The following TNS3 variants were observed in gnomAD, a reference collection of about 807,000 sequenced individuals.
The protein encoded by TNS3 is tensin 3.
In TNS3, 45 loss-of-function variants were observed where a neutral mutation model predicts 140.9. The ratio of observed to expected loss-of-function variants is 0.32; its 90% CI spans 0.25 to 0.41. The LOEUF (loss-of-function observed/expected upper bound fraction) is 0.41, where lower values mean the gene tolerates loss of function less well. Among genes scored for constraint, TNS3 ranks in the 10% least tolerant of loss-of-function variants. The pLI is 1.00. For synonymous variants in TNS3, 815 were observed against 788.4 expected (o/e 1.03, Z -0.56); for missense variants, 1,716 against 1,906.7 (o/e 0.90, Z 1.86).
chr7:47,392,332 G>A (rs1461793407), intron 16 of TNS3, among the ~76,000 whole-genome samples: 1 of 152,188 alleles, frequency 6.6e-6, no homozygotes, highest in Non-Finnish European at 1.5e-5. Context: ...TATAGAAGCA[G>A]AATGTTGCGC....
chr7:47,422,776 T>A (rs1794443825), intron 10 of TNS3, among the ~76,000 whole-genome samples: 1 of 152,132 alleles, frequency 6.6e-6, no homozygotes, highest in Non-Finnish European at 1.5e-5. Context: ...CTGCATGGGT[T>A]ACTCCCTATT....
intron 7 of TNS3, among the ~76,000 whole-genome samples, chr7:47,435,839 A>G (rs1795152933): frequency 6.6e-6 from 1 of 152,204 alleles, no homozygotes; most frequent in Admixed American, 6.5e-5. Flanking sequence ...CTCAGAGACA[A>G]TCTCCTGGAA....
intron 1 of TNS3, among the ~76,000 whole-genome samples, chr7:47,565,592 C>T (rs988908793): frequency 2.6e-5 from 4 of 152,134 alleles, no homozygotes; most frequent in African/African-American, 9.7e-5. Context: ...GTCTCGAACT[C>T]CTGACCTCGG....
chr7:47,275,790 C>T lies in TNS3; in HGVS notation c.*2286G>A. On this transcript the variant is annotated 3_prime_UTR_variant, in exon 31 of 31. Coordinates refer to ENST00000311160, the MANE Select transcript of TNS3 (RefSeq NM_022748.12). ...ACGTTTACCTTGTGTAAAAATCACA[C>T]CTGGCCAATGAGTTCAAAAAGCACG... 1 of 455,668 alleles carries T rather than the reference C, an allele frequency of 2.2e-6. No homozygotes were observed. Among genetic ancestry groups the T allele is most frequent in the Middle Eastern group, 3.6e-4 (1 of 2,740 alleles). 28.2% of individuals were successfully genotyped at this position (455,668 alleles called of 1,614,324 possible). A position where few individuals can be genotyped will look rare whatever the true frequency, so the allele number is the denominator to read the frequency against.
chr7:47,284,885 C>T (rs1252491694), intron 27 of TNS3, among the ~76,000 whole-genome samples: 3 of 152,258 alleles, frequency 2.0e-5, no homozygotes, highest in Non-Finnish European at 4.4e-5. Context: ...CTCCCTCGGC[C>T]GTGTCCTCCT....
chr7:47,468,008 CCTT>C (rs1456645663), intron 4 of TNS3, among the ~76,000 whole-genome samples: 2 of 152,138 alleles, frequency 1.3e-5, no homozygotes, highest in Non-Finnish European at 2.9e-5. Flanking sequence ...TGTAACGTCT[CCTT>C]GTCACATGCC....
At chr7:47,385,358 G>A (rs893275709) in intron 16 of TNS3, among the ~76,000 whole-genome samples, 7 of 152,210 alleles carry the variant, frequency 4.6e-5, no homozygotes, top group Non-Finnish European at 4.4e-5. Flanking sequence ...TGTGCAGCTC[G>A]TGAGCAGCAC....
At chr7:47,321,599 G>C (rs1436856712) in intron 20 of TNS3, among the ~76,000 whole-genome samples, 1 of 152,152 alleles carries the variant, frequency 6.6e-6, no homozygotes, top group Non-Finnish European at 1.5e-5. Context: ...TGCCACAGGT[G>C]GTTCTCTCTC....
chr7:47,509,969 C>T (rs1798550233), intron 2 of TNS3, among the ~76,000 whole-genome samples: 1 of 152,240 alleles, frequency 6.6e-6, no homozygotes. Context: ...GCAGCACTAA[C>T]ACGAGTAACA....
chr7:47,490,531 C>A (rs56101906), intron 3 of TNS3, among the ~76,000 whole-genome samples: 10,580 of 152,288 alleles, frequency 0.069, 1,159 homozygotes, highest in African/African-American at 0.23. Context: ...CTGTGGCCTG[C>A]TGTGAGTGGT....
At chr7:47,311,769 A>G (rs1584374972) in intron 20 of TNS3, among the ~76,000 whole-genome samples, 1 of 152,352 alleles carries the variant, frequency 6.6e-6, no homozygotes, top group East Asian at 1.9e-4. Context: ...ATACATACTG[A>G]GAATTTCCTA....
chr7:47,369,785 T>C (rs1790947370), intron 16 of TNS3, among the ~76,000 whole-genome samples, 164 bp from the exon 17 acceptor site: 1 of 152,250 alleles, frequency 6.6e-6, no homozygotes, highest in Non-Finnish European at 1.5e-5. Context: ...GTTCTATATA[T>C]ACTCTGGAGG....
At chr7:47,364,315 G>T (rs1326323387) in intron 17 of TNS3, among the ~76,000 whole-genome samples, 9 of 132,368 alleles carry the variant, frequency 6.8e-5, no homozygotes, top group African/African-American at 2.4e-4. Context: ...CAGAGTGCTT[G>T]CTCTGTCACC....
Position 47,278,039 on chromosome 7 carries a change from G to C in TNS3, c.*37C>G. On this transcript the variant is annotated 3_prime_UTR_variant, in exon 31 of 31. Coordinates refer to ENST00000311160, the MANE Select transcript of TNS3 (RefSeq NM_022748.12). ...ACCCAACGGCTGTCTCCAGGGCTTC[G>C]AGAGGCATCGGTGGGTCCAGGGAGG... 1.2e-6 allele frequency: 2 copies of C among 1,613,752 alleles called. No individual in the cohort carries two copies. Among genetic ancestry groups the C allele is most frequent in the Non-Finnish European group, 1.7e-6 (2 of 1,179,798 alleles).
chr7:47,452,225 C>T (rs1243640997), intron 4 of TNS3, among the ~76,000 whole-genome samples: 1 of 152,198 alleles, frequency 6.6e-6, no homozygotes, highest in Non-Finnish European at 1.5e-5. Flanking sequence ...CCAGCTGTGA[C>T]CACAATGCCC....
At chr7:47,522,927 C>CCAAAA (rs1554348424) in intron 2 of TNS3, among the ~76,000 whole-genome samples, 2 of 139,682 alleles carry the variant, frequency 1.4e-5, no homozygotes, top group Admixed American at 1.4e-4. Context: ...GACTCCATCT[C>CCAAAA]AAAAAAAAAA....
In TNS3 at chr7:47,503,589, C is replaced by A. The variant is rs913031036; in HGVS notation, c.-115+3318G>T. On this transcript the variant is annotated intron_variant, in intron 3 of 30. Coordinates refer to ENST00000311160, the MANE Select transcript of TNS3 (RefSeq NM_022748.12). Reference sequence around the variant, plus strand: ...ATTGTACATACATTATGTGACTTCCCTGAAACTTAAGTATTAACATAACCA... The same window carrying A: ...ATTGTACATACATTATGTGACTTCCATGAAACTTAAGTATTAACATAACCA... Among the ~76,000 whole-genome samples the A allele has an allele frequency of 2.5e-4, 4 of 15,714 alleles. No individual in the cohort carries two copies. The South Asian group carries it at 0.022, about 86-fold the overall frequency. The allele number at this position is 15,714 out of a possible 152,430, so 10.3% of individuals were successfully genotyped here.
chr7:47,459,414 C>T (rs1796392379), intron 4 of TNS3, among the ~76,000 whole-genome samples: 1 of 152,112 alleles, frequency 6.6e-6, no homozygotes, highest in Admixed American at 6.5e-5. Context: ...ACTATCTTGT[C>T]AAAGGTAAAG....
rs569662851 is a variant in TNS3 at position 47,560,002 on chromosome 7, C to A, written c.-265+22049G>T. On this transcript the variant is annotated intron_variant, in intron 1 of 30. Coordinates refer to ENST00000311160, the MANE Select transcript of TNS3 (RefSeq NM_022748.12). ...CCCAAGGTAGGAAGCTGGGTCTACA[C>A]CACCTGCTCCACCCCCGCAGGACTG... Among the ~76,000 whole-genome samples, 4 of 152,290 alleles carry A rather than the reference C, an allele frequency of 2.6e-5. No individual in the cohort carries two copies. The South Asian group carries it at 8.3e-4, about 32-fold the overall frequency.
Sources: gnomAD v4.1 joint callset for allele counts (sites outside exome capture counted in the v4.1 genomes callset) on GRCh38, gnomAD v4.1.1 for gene constraint, MANE v1.5 for transcripts, NCBI Gene and HGNC (gene_info 2026-07-23, HGNC 2026-07-21) for gene names.